GALNT5: variants seen among roughly 807,000 people sequenced by gnomAD.
GALNT5 encodes the protein UDP-GalNAc:polypeptide N-acetylgalactosaminyltransferase 5.
Under a neutral mutation model 85.4 loss-of-function variants are expected in GALNT5, and 72 were observed. That is an observed-to-expected ratio of 0.84 (90% CI 0.70 to 1.03). The LOEUF (loss-of-function observed/expected upper bound fraction) is 1.03. GALNT5 is among the 50% of genes least tolerant of loss of function. GALNT5 has a pLI of 0.00. For synonymous variants in GALNT5, 404 were observed against 397.0 expected (o/e 1.02, Z -0.21); for missense variants, 1,137 against 1,135.5 (o/e 1.00, Z -0.02).
chr2:157,311,801 T>C lies in GALNT5; in HGVS notation c.*453T>C, dbSNP rs1032362290. 3 of 154,002 alleles carry C rather than the reference T, an allele frequency of 1.9e-5. No homozygotes were observed. The highest frequency in any genetic ancestry group is 6.5e-5 in the Admixed American group (1 of 15,344). 9.5% of individuals were successfully genotyped at this position (154,002 alleles called of 1,614,324 possible). A position where few individuals can be genotyped will look rare whatever the true frequency, so the allele number is the denominator to read the frequency against. ...CAAACAAAAATTTCTTGAGTTCTTA[T>C]GGCTAGAAGACCTCAGATGCCCACA... is the stretch of plus-strand genomic sequence containing the variant. On this transcript the variant is annotated 3_prime_UTR_variant, in exon 10 of 10. Transcript: ENST00000259056.
intron 1 of GALNT5, among the ~76,000 whole-genome samples, chr2:157,274,929 G>C (rs189013963): frequency 1.3e-5 from 2 of 152,306 alleles, no homozygotes; most frequent in Admixed American, 1.3e-4. Context: ...GAATGGTATT[G>C]CCTAGATTTA....
intron 2 of GALNT5, among the ~76,000 whole-genome samples, chr2:157,284,916 T>C (rs370126206): frequency 4.6e-5 from 7 of 152,288 alleles, no homozygotes; most frequent in African/African-American, 1.4e-4. Context: ...AGAAGACAAA[T>C]TGCCAATAGG....
At chr2:157,277,412 C>G (rs1296848800) in intron 1 of GALNT5, among the ~76,000 whole-genome samples, 1 of 152,148 alleles carries the variant, frequency 6.6e-6, no homozygotes, top group African/African-American at 2.4e-5. Context: ...CTAATATTGA[C>G]AGTGGGGCAT....
In GALNT5 at chr2:157,284,391, C is replaced by T. The variant is rs754968130; in HGVS notation, c.1564C>T (p.Arg522Cys). 5 of 1,613,830 alleles carry T rather than the reference C, an allele frequency of 3.1e-6. No individual in the cohort carries two copies. Among genetic ancestry groups the T allele is most frequent in the Admixed American group, 3.3e-5 (2 of 60,026 alleles). ...GAGATCTGTTCACAGTGTCATCAAT[C>T]GCTCTCCTCCACACCTCATCAAGGA... Reference protein sequence around the residue: ...LLRSVHSVINRSPPHLIKEIL... With the variant: ...LLRSVHSVINCSPPHLIKEIL... Residue 522 changes from arginine to cysteine, a missense_variant, in exon 2 of 10, where the codon CGC becomes TGC. Coordinates refer to ENST00000259056, the MANE Select transcript of GALNT5 (RefSeq NM_014568.3).
Position 157,258,711 on chromosome 2 carries a change from T to G in GALNT5, c.629T>G (p.Leu210Arg). Residue 210 changes from leucine (L) to arginine (R), a missense_variant, in exon 1 of 10, where the codon CTA becomes CGA. Transcript: ENST00000259056. ...SHSPSSDTSK[L>R]AAERDLNVTI... is the part of the protein sequence containing the mutation. ...AGTCCCAGCAGTGACACATCAAAAC[T>G]AGCAGCTGAAAGGGACTTGAATGTG... 1 of 1,613,816 alleles carries G rather than the reference T, an allele frequency of 6.2e-7. No individual in the cohort carries two copies. The highest frequency in any genetic ancestry group is 8.5e-7 in the Non-Finnish European group (1 of 1,179,954).
chr2:157,296,820 C>T (rs1683222206), intron 5 of GALNT5, among the ~76,000 whole-genome samples: 1 of 152,106 alleles, frequency 6.6e-6, no homozygotes. Context: ...ACTATACAAA[C>T]ACATGTAATA....
intron 1 of GALNT5, among the ~76,000 whole-genome samples, chr2:157,265,902 T>C (rs540796591): frequency 1.3e-5 from 2 of 152,336 alleles, no homozygotes; most frequent in East Asian, 1.9e-4. Flanking sequence ...AAAATGTTGA[T>C]AATATGGACA....
At chr2:157,285,577 G>C (rs571352209) in intron 2 of GALNT5, among the ~76,000 whole-genome samples, 4 of 152,180 alleles carry the variant, frequency 2.6e-5, no homozygotes, top group African/African-American at 9.7e-5. Flanking sequence ...TAATGGAAGG[G>C]GATGTCAGAG....
chr2:157,313,843 C>T lies in GALNT5; in HGVS notation c.*2495C>T, dbSNP rs1279752538. On this transcript the variant is annotated 3_prime_UTR_variant, in exon 10 of 10. Transcript: ENST00000259056. ...ATTTAAATCTATATTGTCAATATAA[C>T]AAAGGATTGTTTTTGAACATCACAA... The T allele has an allele frequency of 6.6e-6, 1 of 152,092 alleles. No homozygotes were observed. The highest frequency in any genetic ancestry group is 1.5e-5 in the Non-Finnish European group (1 of 68,024). 9.4% of individuals were successfully genotyped at this position (152,092 alleles called of 1,614,324 possible).
At chr2:157,260,093 G>T (rs1335499923) in intron 1 of GALNT5, among the ~76,000 whole-genome samples, 8 of 152,218 alleles carry the variant, frequency 5.3e-5, no homozygotes, top group Non-Finnish European at 8.8e-5. Flanking sequence ...GGTGGAGATG[G>T]TAGATATTTC....
At position 157,304,441 on chromosome 2, in the gene GALNT5, T is replaced by G. The variant is rs564740663; in HGVS notation, c.2440-1308T>G. ...CTATGCCTTGAAAGTCTGTGATGGT[T>G]CCTATCCAAGGCAGGTGGTGTAAAT... On this transcript the variant is annotated intron_variant, in intron 7 of 9. Transcript: ENST00000259056. 1.3e-3 allele frequency among the ~76,000 whole-genome samples: 196 copies of G among 152,360 alleles called. 1 individual carries two copies. The highest frequency in any genetic ancestry group is 4.5e-3 in the African/African-American group (186 of 41,594).
At position 157,317,199 on chromosome 2, in the gene GALNT5, T is replaced by TATATA. The variant is rs1491196830; in HGVS notation, c.*5851_*5852insATATA. The stretch of plus-strand genomic sequence containing the variant: ...GTATATATATATATATATATATATA[T>TATATA]TTTTTTTTTTGATGCTTTGATCTGG... On this transcript the variant is annotated 3_prime_UTR_variant, in exon 10 of 10. Coordinates refer to ENST00000259056, the MANE Select transcript of GALNT5 (RefSeq NM_014568.3). Among the ~76,000 whole-genome samples the TATATA allele has an allele frequency of 1.4e-3, 155 of 107,096 alleles. No individual in the cohort carries two copies. The highest frequency in any genetic ancestry group is 2.5e-3 in the Non-Finnish European group (133 of 53,080). The allele number at this position is 107,096 out of a possible 152,430, so 70.3% of individuals were successfully genotyped here.
chr2:157,267,769 G>A (rs1365850260), intron 1 of GALNT5, among the ~76,000 whole-genome samples: 1 of 152,222 alleles, frequency 6.6e-6, no homozygotes. Flanking sequence ...CACAGCCGCA[G>A]CTGGCTAAGA....
chr2:157,293,419 A>G (rs1683141786), intron 3 of GALNT5, among the ~76,000 whole-genome samples: 4 of 152,152 alleles, frequency 2.6e-5, no homozygotes. Context: ...CTCCACCCTC[A>G]TGATCTTATC....
intron 3 of GALNT5, among the ~76,000 whole-genome samples, chr2:157,291,859 T>C (rs1683108464): frequency 1.3e-5 from 2 of 152,162 alleles, no homozygotes; most frequent in Admixed American, 1.3e-4. Context: ...TAGTTTATTA[T>C]ATATTTTCAA....
chr2:157,301,059 C>A, intron 7 of GALNT5, 60 bp downstream of exon 7: 2 of 1,214,198 alleles, frequency 1.6e-6, no homozygotes, highest in South Asian at 1.4e-5. Context: ...AAATCTCTTT[C>A]AAAAATGTGT....
In GALNT5 at chr2:157,311,333, AT is replaced by A; in HGVS notation, c.2809del (p.Tyr937IlefsTer7). 1 of 1,606,818 alleles carries A rather than the reference AT, an allele frequency of 6.2e-7. No homozygotes were observed. Among genetic ancestry groups the A allele is most frequent in the Non-Finnish European group, 8.5e-7 (1 of 1,175,732 alleles). ...KPYQKWKFEK[Y>X]YEA is the part of the protein sequence containing the mutation. ...CATATCAAAAGTGGAAATTTGAAAAATATTATGAAGCCTGAAGTGTAACTGA... is the reference window on the plus strand; with the variant it reads ...CATATCAAAAGTGGAAATTTGAAAAAATTATGAAGCCTGAAGTGTAACTGA... On this transcript the variant is annotated frameshift_variant, in exon 10 of 10. Coordinates refer to ENST00000259056, the MANE Select transcript of GALNT5 (RefSeq NM_014568.3). LOFTEE classifies it high-confidence loss of function.
Position 157,300,888 on chromosome 2 carries a change from C to T in GALNT5, c.2328C>T (p.Asn776=). ...HLIDQGLDVG[N]LTQQRELRKK... ...TCGACCAAGGGCTAGATGTTGGCAA[C>T]CTCACCCAGCAAAGGGAGCTGCGAA... The change falls in exon 7 of 10, where the codon AAC becomes AAT. Residue 776 remains asparagine (N), a synonymous_variant. Coordinates refer to ENST00000259056, the MANE Select transcript of GALNT5 (RefSeq NM_014568.3). The T allele has an allele frequency of 6.2e-7, 1 of 1,613,858 alleles. No individual in the cohort carries two copies. Among genetic ancestry groups the T allele is most frequent in the South Asian group, 1.1e-5 (1 of 91,068 alleles).
rs894130126 is a variant in GALNT5, at chr2:157,261,355, C to T, written c.1454+1819C>T. Among the ~76,000 whole-genome samples the T allele has an allele frequency of 2.0e-5, 3 of 152,152 alleles. No homozygotes were observed. In the East Asian group the frequency reaches 5.8e-4, roughly 29 times the overall value. The stretch of plus-strand genomic sequence containing the variant: ...GTGTGGCTCATTGAAAGCTCGGGGA[C>T]TCCCAGTGCTTCTTAGTTTCTATAC... On this transcript the variant is annotated intron_variant, in intron 1 of 9. Transcript: ENST00000259056.
Sources: allele counts gnomAD v4.1 joint callset (sites outside exome capture counted in the v4.1 genomes callset), GRCh38; gene constraint gnomAD v4.1.1; transcripts MANE v1.5; gene names NCBI Gene and HGNC (gene_info 2026-07-23, HGNC 2026-07-21).